Variants in BNC2 observed in about 807,000 individuals in gnomAD.
BNC2 encodes the protein zinc finger protein basonuclin-2.
In BNC2, 20 loss-of-function variants were observed where a neutral mutation model predicts 76.3. The observed-to-expected ratio is 0.26, with a 90% CI of 0.18 to 0.38. The LOEUF is 0.38. Ranked by LOEUF, BNC2 falls within the 10% of genes least tolerant of loss-of-function variation. BNC2 has a pLI of 1.00. For synonymous variants in BNC2, 582 were observed against 514.8 expected, an observed-to-expected ratio of 1.13 and a Z score of -1.77; for missense variants, 1,382 against 1,399.8, an observed-to-expected ratio of 0.99 and a Z score of 0.20.
intron 5 of BNC2, among the ~76,000 whole-genome samples, chr9:16,497,400 C>A (rs1822412357): frequency 6.6e-6 from 1 of 152,162 alleles, no homozygotes; most frequent in Non-Finnish European, 1.5e-5. Flanking sequence ...GTTTTATCAG[C>A]AAAAGCAGAG....
chr9:16,499,202 A>AT (rs60779613), intron 5 of BNC2, among the ~76,000 whole-genome samples: 35,787 of 152,012 alleles, frequency 0.24, 5,256 homozygotes, highest in African/African-American at 0.41. Flanking sequence ...CTTAATTCTT[A>AT]GTAAATCTTC....
chr9:16,694,321 A>C (rs974091016), intron 3 of BNC2, among the ~76,000 whole-genome samples: 1 of 152,168 alleles, frequency 6.6e-6, no homozygotes. Context: ...TCAACTTCAC[A>C]AACTACTCAT....
intron 1 of BNC2, among the ~76,000 whole-genome samples, chr9:16,777,036 G>T (rs1444995989): frequency 1.3e-5 from 2 of 152,032 alleles, no homozygotes; most frequent in Non-Finnish European, 2.9e-5. Flanking sequence ...TGAGGCAAGA[G>T]AATCACTTGA....
At chr9:16,738,255 A>G (rs1368484503) in intron 2 of BNC2, 105 bp downstream of exon 2, 5 of 1,287,842 alleles carry the variant, frequency 3.9e-6, no homozygotes, top group Non-Finnish European at 5.6e-6. Context: ...GAAAGACAGT[A>G]AAAGAGTGGC....
Position 16,578,649 on chromosome 9 carries a change from G to GA in BNC2, c.433+4333dup, listed in dbSNP as rs5896695. Among the ~76,000 whole-genome samples, 70 of 144,182 alleles carry GA rather than the reference G, an allele frequency of 4.9e-4. No homozygotes were observed. In the East Asian group the frequency reaches 6.5e-3, roughly 13 times the overall value. 94.6% of individuals were successfully genotyped at this position (144,182 alleles called of 152,430 possible). A position where few individuals can be genotyped will look rare whatever the true frequency, so the allele number is the denominator to read the frequency against. ...CTAGTGTGGAGGCAAAGGGTAAAAA[G>GA]AAAAAAAAAAATTACATCACCAGAA... is the stretch of plus-strand genomic sequence containing the variant. On this transcript the variant is annotated intron_variant, in intron 4 of 6. Coordinates refer to ENST00000380672, the MANE Select transcript of BNC2 (RefSeq NM_017637.6).
rs574643509 is a variant in BNC2, at chr9:16,487,251, A to C, written c.670-49727T>G. Among the ~76,000 whole-genome samples, 5 of 152,240 alleles carry C rather than the reference A, an allele frequency of 3.3e-5. No individual in the cohort carries two copies. The South Asian group carries it at 1.0e-3, about 32-fold the overall frequency. On this transcript the variant is annotated intron_variant, in intron 5 of 6. Transcript: ENST00000380672. Reference sequence around the variant, plus strand: ...ACCAGAGGATGTAATAACAGCAGTAAGTCTGTCGGCTGGGGGTGGAGGGGG... The same window carrying C: ...ACCAGAGGATGTAATAACAGCAGTACGTCTGTCGGCTGGGGGTGGAGGGGG...
chr9:16,759,429 AT>A (rs971335927), intron 1 of BNC2, among the ~76,000 whole-genome samples: 12 of 151,634 alleles, frequency 7.9e-5, no homozygotes, highest in East Asian at 5.8e-4. Flanking sequence ...ATTTTCCTTA[AT>A]TTTTTTTTAC....
At chr9:16,503,224 T>C (rs368213357) in intron 5 of BNC2, among the ~76,000 whole-genome samples, 1 of 152,184 alleles carries the variant, frequency 6.6e-6, no homozygotes, top group Admixed American at 6.5e-5. Flanking sequence ...CCCAAAACGT[T>C]ACAACAAACA....
At chr9:16,767,775 T>TCAG in intron 1 of BNC2, among the ~76,000 whole-genome samples, 1 of 152,258 alleles carries the variant, frequency 6.6e-6, no homozygotes, top group South Asian at 2.1e-4. Flanking sequence ...TCAACAATTA[T>TCAG]CAGCACATGG....
At chr9:16,679,091 C>T (rs1461506784) in intron 3 of BNC2, among the ~76,000 whole-genome samples, 1 of 152,090 alleles carries the variant, frequency 6.6e-6, no homozygotes, top group Non-Finnish European at 1.5e-5. Flanking sequence ...AGAGCGAGGG[C>T]ACCTAATATT....
At chr9:16,865,989 G>T (rs1819534791) in intron 1 of BNC2, among the ~76,000 whole-genome samples, 1 of 152,090 alleles carries the variant, frequency 6.6e-6, no homozygotes, top group Admixed American at 6.6e-5. Context: ...AACATAATGA[G>T]AGCTACTGTG....
intron 3 of BNC2, among the ~76,000 whole-genome samples, chr9:16,611,323 T>G (rs1820539481): frequency 6.6e-6 from 1 of 152,178 alleles, no homozygotes; most frequent in South Asian, 2.1e-4. Flanking sequence ...GGCTCCAGGA[T>G]AGTTTTCTAA....
chr9:16,681,535 T>G (rs144217244), intron 3 of BNC2, among the ~76,000 whole-genome samples: 2 of 152,178 alleles, frequency 1.3e-5, no homozygotes, highest in African/African-American at 4.8e-5. Flanking sequence ...TGCAGGAAAC[T>G]TTCTGGCTCT....
rs1820604805 is a variant in BNC2, at chr9:16,417,273, G to A, written c.*1716C>T. 1 of 152,620 alleles carries A rather than the reference G, an allele frequency of 6.6e-6. No homozygotes were observed. Among genetic ancestry groups the A allele is most frequent in the South Asian group, 2.1e-4 (1 of 4,832 alleles). 9.5% of individuals were successfully genotyped at this position (152,620 alleles called of 1,614,324 possible). On this transcript the variant is annotated 3_prime_UTR_variant, in exon 7 of 7. Coordinates refer to ENST00000380672, the MANE Select transcript of BNC2 (RefSeq NM_017637.6). ...TGTTGTGGTAGCTGAGGCTGCCGATGTGGTTAACCAGCTCAGGCAACATGT... is the reference window on the plus strand; with the variant it reads ...TGTTGTGGTAGCTGAGGCTGCCGATATGGTTAACCAGCTCAGGCAACATGT...
chr9:16,550,257 GT>G (rs142232253), intron 5 of BNC2, among the ~76,000 whole-genome samples: 14 of 151,190 alleles, frequency 9.3e-5, no homozygotes, highest in Admixed American at 5.3e-4. Context: ...CATTATGAGA[GT>G]TTTTTTTTAA....
intron 5 of BNC2, among the ~76,000 whole-genome samples, chr9:16,520,743 G>C (rs1222545156): frequency 2.6e-5 from 4 of 152,146 alleles, no homozygotes; most frequent in Admixed American, 2.6e-4. Context: ...TGTGATTCCA[G>C]GTTCCACTGT....
At chr9:16,464,068 T>TA (rs1275297714) in intron 5 of BNC2, among the ~76,000 whole-genome samples, 4 of 116,382 alleles carry the variant, frequency 3.4e-5, no homozygotes, top group Admixed American at 1.4e-4. Context: ...AACTCCAGCC[T>TA]AGGAGACAGG....
intron 2 of BNC2, among the ~76,000 whole-genome samples, chr9:16,730,452 T>C (rs1031524836): frequency 6.6e-6 from 1 of 152,140 alleles, no homozygotes; most frequent in Non-Finnish European, 1.5e-5. Flanking sequence ...TAGCCTTTTT[T>C]CCCCCTAAAC....
chr9:16,435,405 T>C, intron 6 of BNC2, 150 bp downstream of exon 6: 1 of 950,972 alleles, frequency 1.1e-6, no homozygotes, highest in South Asian at 1.4e-5. Flanking sequence ...TTCATGAGCA[T>C]GGCAGCCTAG....
Sources: gnomAD v4.1 joint callset for allele counts (sites outside exome capture counted in the v4.1 genomes callset) on GRCh38, gnomAD v4.1.1 for gene constraint, MANE v1.5 for transcripts, NCBI Gene and HGNC (gene_info 2026-07-23, HGNC 2026-07-21) for gene names.